The following PIWIL1 variants were observed in gnomAD, a reference collection of about 807,000 sequenced individuals.
PIWIL1 encodes piwi-like protein 1.
A neutral mutation model predicts 114.4 loss-of-function variants in PIWIL1; 73 were observed. That is an observed-to-expected ratio of 0.64 (90% CI 0.53 to 0.78). The LOEUF is 0.78. PIWIL1 is among the 30% of genes least tolerant of loss of function. PIWIL1 has a pLI of 0.00. For synonymous variants in PIWIL1, 375 were observed against 369.0 expected, an observed-to-expected ratio of 1.02 and a Z score of -0.19; for missense variants, 723 against 1,063.1, an observed-to-expected ratio of 0.68 and a Z score of 4.45.
At chr12:130,376,700 G>C (rs1246524867), downstream of PIWIL1, among the ~76,000 whole-genome samples, 1 of 152,170 alleles carries the variant, frequency 6.6e-6, no homozygotes, top group Non-Finnish European at 1.5e-5. Context: ...CAAAATACGA[G>C]TACCTGTCCA....
the PIWIL1 span, chr12:130,397,980 T>TAG: frequency 6.5e-6 from 1 of 153,236 alleles, no homozygotes; most frequent in East Asian, 1.9e-4. Flanking sequence ...CTGATATTGT[T>TAG]AAAGTGCATT....
the PIWIL1 span, chr12:130,424,633 G>C: frequency 8.1e-7 from 1 of 1,231,882 alleles, no homozygotes; most frequent in Non-Finnish European, 1.0e-6. The surrounding 1 kb of genome is among the most constrained non-coding windows in gnomAD (Gnocchi z 9.8). Context: ...CAGGAGCCCC[G>C]AGGGGCCTCG....
intron 14 of PIWIL1, among the ~76,000 whole-genome samples, chr12:130,358,582 G>T (rs570013564): frequency 2.0e-5 from 3 of 152,168 alleles, no homozygotes; most frequent in African/African-American, 7.2e-5. Context: ...AATCACTGTT[G>T]CTGCTGCCGC....
chr12:130,368,412 GT>G (rs1381984445), intron 19 of PIWIL1, among the ~76,000 whole-genome samples: 1 of 152,160 alleles, frequency 6.6e-6, no homozygotes, highest in Admixed American at 6.5e-5. Flanking sequence ...AGCATACAGA[GT>G]TTAGTCTTAT....
intron 14 of PIWIL1, 44 bp downstream of exon 14, chr12:130,357,597 T>C (rs1465180716): frequency 7.8e-7 from 1 of 1,287,478 alleles, no homozygotes; most frequent in Non-Finnish European, 1.1e-6. Flanking sequence ...GTGAAAGAGC[T>C]TTTTCAAAGG....
At chr12:130,389,652 G>C in the PIWIL1 span, among the ~76,000 whole-genome samples, 1 of 151,998 alleles carries the variant, frequency 6.6e-6, no homozygotes, top group African/African-American at 2.4e-5. Flanking sequence ...AACATCTTCT[G>C]TTTGTTGTGA....
At position 130,342,674 on chromosome 12, in the gene PIWIL1, G is replaced by C. The variant is rs1311770041; in HGVS notation, c.78+5G>C. On this transcript the variant is annotated splice_donor_5th_base_variant and intron_variant, in intron 2 of 20. Transcript: ENST00000245255. Reference sequence around the variant, plus strand: ...CAGCTGGTGGGCTCCACTGCCGTGAGTGCTTCACCGTTTCTGACTACAGAA... The same window carrying C: ...CAGCTGGTGGGCTCCACTGCCGTGACTGCTTCACCGTTTCTGACTACAGAA... 6.2e-7 allele frequency: 1 copy of C among 1,606,168 alleles called. No homozygotes were observed. The highest frequency in any genetic ancestry group is 8.5e-7 in the Non-Finnish European group (1 of 1,173,138).
At chr12:130,340,084 G>A (rs2072862691) in intron 1 of PIWIL1, among the ~76,000 whole-genome samples, 1 of 152,160 alleles carries the variant, frequency 6.6e-6, no homozygotes, top group South Asian at 2.1e-4. Context: ...CCATGTAGTA[G>A]GGTGACCGTG....
chr12:130,362,781 C>T lies in PIWIL1; in HGVS notation c.1986C>T (p.Cys662=). The T allele has an allele frequency of 6.2e-7, 1 of 1,614,044 alleles. No homozygotes were observed. Among genetic ancestry groups the T allele is most frequent in the African/African-American group, 1.3e-5 (1 of 75,036 alleles). Residue 662 remains cysteine, a synonymous_variant, in exon 17 of 21, where the codon TGC becomes TGT. Coordinates refer to ENST00000245255, the MANE Select transcript of PIWIL1 (RefSeq NM_004764.5). Reference sequence around the variant, plus strand: ...CTCTGAATAGCTGGTTCTCACGCTGCATATTTCAGGATAGAGGACAGGAGC... The same window carrying T: ...CTCTGAATAGCTGGTTCTCACGCTGTATATTTCAGGATAGAGGACAGGAGC... ...NEGMTRWFSR[C]IFQDRGQELV...
At chr12:130,347,927 C>A (rs1301239391) in intron 6 of PIWIL1, among the ~76,000 whole-genome samples, 176 bp from the exon 7 acceptor site, 1 of 152,052 alleles carries the variant, frequency 6.6e-6, no homozygotes, top group Non-Finnish European at 1.5e-5. Context: ...TTTTTCCAAC[C>A]TCAAAGATAT....
intron 6 of PIWIL1, among the ~76,000 whole-genome samples, chr12:130,347,476 A>G (rs2073099882): frequency 6.6e-6 from 1 of 152,238 alleles, no homozygotes; most frequent in South Asian, 2.1e-4. Context: ...ATCCAAAAGC[A>G]AGACACGTGT....
chr12:130,399,461 A>C, the PIWIL1 span, among the ~76,000 whole-genome samples: 1 of 152,140 alleles, frequency 6.6e-6, no homozygotes, highest in Non-Finnish European at 1.5e-5. Flanking sequence ...AGGCAGATTG[A>C]TTGATTAGAA....
At chr12:130,375,769 C>G (rs1035563892), downstream of PIWIL1, among the ~76,000 whole-genome samples, 1 of 152,058 alleles carries the variant, frequency 6.6e-6, no homozygotes, top group Admixed American at 6.6e-5. Context: ...TCCCTCAAAA[C>G]TCCTGTGTTG....
intron 1 of PIWIL1, chr12:130,342,323 T>C (rs2072943730): frequency 2.0e-6 from 1 of 491,254 alleles, no homozygotes; most frequent in African/African-American, 1.9e-5. Context: ...ATAATCCAAA[T>C]GAAAAACTAA....
chr12:130,357,629 C>T (rs1027993739), intron 14 of PIWIL1, 76 bp downstream of exon 14: 4 of 896,324 alleles, frequency 4.5e-6, no homozygotes, highest in Non-Finnish European at 7.3e-6. Flanking sequence ...CATTTTGGAA[C>T]TTGGAGTTCT....
chr12:130,346,261 G>T, intron 4 of PIWIL1, 109 bp from the exon 5 acceptor site: 1 of 763,796 alleles, frequency 1.3e-6, no homozygotes. Context: ...GTTGTCTGCT[G>T]CTCTTAGCCT....
the PIWIL1 span, chr12:130,422,666 A>ACC: frequency 1.3e-6 from 1 of 778,696 alleles, no homozygotes; most frequent in Non-Finnish European, 2.1e-6. This position sits in a 1 kb window ranked among gnomAD's most constrained non-coding sequence, Gnocchi z 5.2. Flanking sequence ...TGTAAAGGCA[A>ACC]CTAAACTTAG....
At chr12:130,412,251 C>T in the PIWIL1 span, among the ~76,000 whole-genome samples, 2 of 152,126 alleles carry the variant, frequency 1.3e-5, no homozygotes, top group Non-Finnish European at 2.9e-5. Context: ...TAGCGGCCCC[C>T]CAACCACCCA....
chr12:130,403,700 CTTAGT>C, the PIWIL1 span, among the ~76,000 whole-genome samples: 2 of 152,036 alleles, frequency 1.3e-5, no homozygotes, highest in Non-Finnish European at 2.9e-5. Context: ...TTGAAATTTT[CTTAGT>C]TTATTTGGTA....
Sources: gnomAD v4.1 joint callset for allele counts (sites outside exome capture counted in the v4.1 genomes callset) on GRCh38, gnomAD v4.1.1 for gene constraint, Gnocchi (gnomAD v3.1) non-coding constraint, MANE v1.5 for transcripts, NCBI Gene and HGNC (gene_info 2026-07-23, HGNC 2026-07-21) for gene names.